Variants in NCOR2 observed in about 807,000 individuals in gnomAD.
The protein encoded by NCOR2 is CTG repeat protein 26.
NCOR2 carries 81 observed loss-of-function variants against 262.9 expected under a neutral mutation model. The ratio of observed to expected loss-of-function variants is 0.31; its 90% CI spans 0.26 to 0.37. NCOR2 has a LOEUF of 0.37. Among genes scored for constraint, NCOR2 ranks in the 10% least tolerant of loss-of-function variants. The pLI, the probability that NCOR2 is intolerant of heterozygous loss-of-function variation, is 1.00. For missense variants in NCOR2, 3,385 were observed against 3,621.4 expected, an observed-to-expected ratio of 0.93 and a Z score of 1.68; for synonymous variants, 1,659 against 1,559.3, an observed-to-expected ratio of 1.06 and a Z score of -1.51.
At chr12:124,492,435 C>T (rs2048139839) in intron 1 of NCOR2, among the ~76,000 whole-genome samples, 3 of 152,170 alleles carry the variant, frequency 2.0e-5, no homozygotes, top group South Asian at 2.1e-4. Context: ...AAAGCAGCCC[C>T]GTGCCCAAAG....
chr12:124,422,852 C>T (rs1462320902), intron 11 of NCOR2, among the ~76,000 whole-genome samples: 1 of 152,180 alleles, frequency 6.6e-6, no homozygotes, highest in Non-Finnish European at 1.5e-5. Context: ...ACACGACATG[C>T]AGCTCTTTGG....
At chr12:124,561,433 G>C (rs2052067881) in intron 1 of NCOR2, among the ~76,000 whole-genome samples, 1 of 152,216 alleles carries the variant, frequency 6.6e-6, no homozygotes, top group African/African-American at 2.4e-5. Context: ...TCCCCCAACA[G>C]CTTTGGGCAG....
intron 9 of NCOR2, 95 bp from the exon 12 acceptor site, chr12:124,429,801 A>T: frequency 8.2e-7 from 1 of 1,217,492 alleles, no homozygotes; most frequent in Non-Finnish European, 1.2e-6. Flanking sequence ...CGCCCTCCCC[A>T]GAGGAGAAGT....
At chr12:124,325,392 C>CCCCCCCCCCCGGG in exon 47 of NCOR2, 1 of 1,152,268 alleles carries the variant, frequency 8.7e-7, no homozygotes, top group Non-Finnish European at 1.1e-6. Flanking sequence ...CCCCCCCGCC[C>CCCCCCCCCCCGGG]TGTTCTGAGT....
At position 124,503,266 on chromosome 12, in the gene NCOR2, G is replaced by A. The variant is rs1275582487; in HGVS notation, c.-117-7898C>T. Among the ~76,000 whole-genome samples the A allele has an allele frequency of 6.6e-6, 1 of 152,244 alleles. No homozygotes were observed. Among genetic ancestry groups the A allele is most frequent in the East Asian group, 1.9e-4 (1 of 5,202 alleles). On this transcript the variant is annotated intron_variant, in intron 1 of 46. Coordinates refer to the NCOR2 transcript ENST00000404621. The surrounding 1 kb of genome is among the most constrained non-coding windows in gnomAD (Gnocchi z 4.3). ...AAAGGCAAAAGGCCCTGCTGACCAC[G>A]GCCCACACCCAGTGACAGGTCTGGC...
chr12:124,513,345 TC>T (rs1219442317), intron 1 of NCOR2: 1 of 152,000 alleles, frequency 6.6e-6, no homozygotes, highest in African/African-American at 2.4e-5. Flanking sequence ...CCCCCAACCT[TC>T]AGAAGTGTGG....
chr12:124,356,818 A>G, intron 22 of NCOR2, 36 bp from the exon 25 acceptor site: 1 of 1,439,040 alleles, frequency 6.9e-7, no homozygotes, highest in Non-Finnish European at 9.1e-7. Flanking sequence ...TGAGGGCAGG[A>G]GGTGGGGCAG....
At chr12:124,564,033 C>A (rs2052154417) in intron 1 of NCOR2, among the ~76,000 whole-genome samples, 1 of 152,212 alleles carries the variant, frequency 6.6e-6, no homozygotes, top group Non-Finnish European at 1.5e-5. Flanking sequence ...AATAAAAGCA[C>A]CAACTCATAG....
chr12:124,345,992 G>T (rs1387191533), intron 31 of NCOR2, among the ~76,000 whole-genome samples: 1 of 141,512 alleles, frequency 7.1e-6, no homozygotes, highest in African/African-American at 2.5e-5. Context: ...AGCTGGGGCC[G>T]CCTGGGGGGA....
intron 4 of NCOR2, among the ~76,000 whole-genome samples, chr12:124,467,733 TCATCACCC>T (rs2136651822): frequency 8.0e-6 from 1 of 125,110 alleles, no homozygotes; most frequent in Non-Finnish European, 1.7e-5. Context: ...ACCCTCATCC[TCATCACCC>T]CATCACCCTC....
chr12:124,435,926 G>C (rs1024761665), intron 8 of NCOR2, among the ~76,000 whole-genome samples: 29 of 152,326 alleles, frequency 1.9e-4, no homozygotes, highest in African/African-American at 7.0e-4. Flanking sequence ...ACATGTGGCT[G>C]ACCAAGCGCC....
intron 41 of NCOR2, among the ~76,000 whole-genome samples, chr12:124,333,981 CGGGTGTGCATGTGTGT>C (rs1255878009): frequency 6.7e-6 from 1 of 148,292 alleles, no homozygotes; most frequent in African/African-American, 2.5e-5. Flanking sequence ...CGCATGTGTG[CGGGTGTGCATGTGTGT>C]GTGTGCGCAT....
intron 30 of NCOR2, 105 bp downstream of exon 32, chr12:124,347,720 C>T (rs897123790): frequency 8.7e-7 from 1 of 1,151,806 alleles, no homozygotes; most frequent in Non-Finnish European, 1.3e-6. Flanking sequence ...TTTCTGCATA[C>T]TTGTCCTGAG....
At chr12:124,434,435 G>T (rs2044210392) in intron 8 of NCOR2, among the ~76,000 whole-genome samples, 1 of 152,082 alleles carries the variant, frequency 6.6e-6, no homozygotes, top group Non-Finnish European at 1.5e-5. Context: ...ACCCTTCTTG[G>T]AAGTCCTTGG....
intron 3 of NCOR2, among the ~76,000 whole-genome samples, chr12:124,479,129 C>T (rs1165515689): frequency 6.6e-6 from 1 of 152,200 alleles, no homozygotes; most frequent in South Asian, 2.1e-4. Context: ...CTGCTCTCTG[C>T]GCAGAGACAA....
intron 1 of NCOR2, among the ~76,000 whole-genome samples, chr12:124,546,416 T>TTTTTG (rs571051700): frequency 6.6e-6 from 1 of 151,936 alleles, no homozygotes; most frequent in African/African-American, 2.4e-5. Flanking sequence ...GGGTTTTGGG[T>TTTTTG]TTTTGTTTTG....
chr12:124,521,061 CCT>C (rs1377243119), intron 1 of NCOR2, among the ~76,000 whole-genome samples: 1 of 152,220 alleles, frequency 6.6e-6, no homozygotes, highest in African/African-American at 2.4e-5. Flanking sequence ...CTGCCTGCTG[CCT>C]CTCTCGCAAC....
At chr12:124,433,882 ACACACACAC>A (rs2044161333) in intron 8 of NCOR2, among the ~76,000 whole-genome samples, 1 of 125,020 alleles carries the variant, frequency 8.0e-6, no homozygotes, top group African/African-American at 3.8e-5. Flanking sequence ...ACACACACAC[ACACACACAC>A]ACACACACGC....
chr12:124,428,044 AGT>A (rs55965573), intron 10 of NCOR2, among the ~76,000 whole-genome samples: 7,997 of 112,352 alleles, frequency 0.071, 442 homozygotes, highest in African/African-American at 0.14. Flanking sequence ...CCATGTGGCC[AGT>A]GTGTGTGTGT....
Sources: allele counts gnomAD v4.1 joint callset (sites outside exome capture counted in the v4.1 genomes callset), GRCh38; gene constraint gnomAD v4.1.1; non-coding constraint Gnocchi (gnomAD v3.1); transcripts MANE v1.5; gene names NCBI Gene and HGNC (gene_info 2026-07-23, HGNC 2026-07-21).